Variants in ZNF804A observed in about 807,000 individuals in gnomAD.
ZNF804A encodes the protein zinc finger protein 804A.
A neutral mutation model predicts 16.5 loss-of-function variants in ZNF804A; 2 were observed. The ratio of observed to expected loss-of-function variants is 0.12; its 90% confidence interval spans 0.05 to 0.38. ZNF804A has a LOEUF of 0.38. Ranked by LOEUF, ZNF804A falls within the 10% of genes least tolerant of loss-of-function variation. The pLI, the probability that ZNF804A is intolerant of heterozygous loss-of-function variation, is 0.99. For synonymous variants in ZNF804A, 534 were observed against 489.6 expected (o/e 1.09, Z -1.20); for missense variants, 1,473 against 1,390.7 (o/e 1.06, Z -0.94).
intron 1 of ZNF804A, among the ~76,000 whole-genome samples, chr2:184,808,384 T>C (rs1401763378): frequency 6.6e-6 from 1 of 151,592 alleles, no homozygotes; most frequent in Non-Finnish European, 1.5e-5. Context: ...TTGGATTGAT[T>C]TGGGCTCAAG....
At chr2:184,858,699 G>A (rs1456813518) in intron 1 of ZNF804A, among the ~76,000 whole-genome samples, 1 of 151,772 alleles carries the variant, frequency 6.6e-6, no homozygotes, top group Admixed American at 6.6e-5. Flanking sequence ...TATATAAGTG[G>A]TCTATACACC....
In ZNF804A at chr2:184,843,144, T is replaced by G. The variant is rs182661239; in HGVS notation, c.112-23225T>G. 3.1e-3 allele frequency among the ~76,000 whole-genome samples: 470 copies of G among 152,304 alleles called. 9 individuals carry two copies. The highest frequency in any genetic ancestry group is 7.4e-4 in the Non-Finnish European group (50 of 68,024). ...TCACCTGAACTCTTTTCGTGGGAAC[T>G]TTCTTTGAGCACAAGAGATCACTCC... On this transcript the variant is annotated intron_variant, in intron 1 of 3. Coordinates refer to ENST00000302277, the MANE Select transcript of ZNF804A (RefSeq NM_194250.2).
At chr2:184,773,101 T>G (rs1212737899) in intron 1 of ZNF804A, among the ~76,000 whole-genome samples, 1 of 151,076 alleles carries the variant, frequency 6.6e-6, no homozygotes, top group Non-Finnish European at 1.5e-5. Context: ...TAAAATGTAT[T>G]GAGTTATACT....
At chr2:184,771,387 A>G (rs539898278) in intron 1 of ZNF804A, among the ~76,000 whole-genome samples, 12 of 151,916 alleles carry the variant, frequency 7.9e-5, no homozygotes, top group Non-Finnish European at 1.6e-4. Context: ...GTGTCCAGAC[A>G]GGTTTTGCTG....
At chr2:184,878,519 T>C (rs570944484) in intron 2 of ZNF804A, among the ~76,000 whole-genome samples, 17 of 152,168 alleles carry the variant, frequency 1.1e-4, no homozygotes, top group Admixed American at 7.2e-4. Flanking sequence ...AGCCATCTCC[T>C]GGACCTCGGC....
intron 3 of ZNF804A, among the ~76,000 whole-genome samples, chr2:184,934,525 A>G (rs1401882350): frequency 2.0e-5 from 3 of 152,122 alleles, no homozygotes; most frequent in African/African-American, 4.8e-5. Flanking sequence ...AATAAAATGT[A>G]TATGTATTTG....
chr2:184,697,353 G>C (rs972688190), intron 1 of ZNF804A, among the ~76,000 whole-genome samples: 2 of 151,906 alleles, frequency 1.3e-5, no homozygotes, highest in Non-Finnish European at 2.9e-5. Flanking sequence ...TTTGTTTCTG[G>C]GTCATAGAAT....
intron 1 of ZNF804A, among the ~76,000 whole-genome samples, chr2:184,746,755 C>G (rs1693795699): frequency 6.6e-6 from 1 of 151,338 alleles, no homozygotes; most frequent in Non-Finnish European, 1.5e-5. Context: ...TCCATGAGTT[C>G]CATTGTTTTC....
chr2:184,632,345 T>C (rs1260583638), intron 1 of ZNF804A, among the ~76,000 whole-genome samples: 1 of 152,214 alleles, frequency 6.6e-6, no homozygotes, highest in African/African-American at 2.4e-5. Context: ...ATGCGTACTT[T>C]GGCAAATTCC....
intron 2 of ZNF804A, among the ~76,000 whole-genome samples, chr2:184,890,647 C>T (rs1684966928): frequency 6.6e-6 from 1 of 151,840 alleles, no homozygotes; most frequent in South Asian, 2.1e-4. Flanking sequence ...CTCCAAGATA[C>T]TTCACTCTAT....
At chr2:184,774,909 T>C (rs1463341041) in intron 1 of ZNF804A, among the ~76,000 whole-genome samples, 1 of 151,632 alleles carries the variant, frequency 6.6e-6, no homozygotes, top group African/African-American at 2.4e-5. Context: ...AGGGAAGAGA[T>C]GGATCACTCT....
chr2:184,830,699 T>C (rs922512899), intron 1 of ZNF804A, among the ~76,000 whole-genome samples: 2 of 152,108 alleles, frequency 1.3e-5, no homozygotes, highest in African/African-American at 4.8e-5. Context: ...ACAAGTGAGA[T>C]ACCTTGCAGT....
chr2:184,782,838 A>C (rs1237537472), intron 1 of ZNF804A, among the ~76,000 whole-genome samples: 1 of 150,066 alleles, frequency 6.7e-6, no homozygotes, highest in African/African-American at 2.4e-5. Flanking sequence ...AATAAGCATA[A>C]AAAATTGATT....
intron 1 of ZNF804A, among the ~76,000 whole-genome samples, chr2:184,605,923 T>C (rs1307291404): frequency 1.3e-5 from 2 of 152,158 alleles, no homozygotes; most frequent in South Asian, 2.1e-4. Flanking sequence ...TCAATCATGG[T>C]TGTCAAAGTA....
intron 1 of ZNF804A, among the ~76,000 whole-genome samples, chr2:184,673,674 C>A (rs552930175): frequency 6.6e-6 from 1 of 152,260 alleles, no homozygotes; most frequent in Admixed American, 6.5e-5. Context: ...CTTTGTGTGT[C>A]TCTTCCTTCA....
At chr2:184,784,983 G>T (rs942860075) in intron 1 of ZNF804A, among the ~76,000 whole-genome samples, 2 of 151,862 alleles carry the variant, frequency 1.3e-5, no homozygotes, top group Non-Finnish European at 2.9e-5. Context: ...GATCCCCTTC[G>T]CCTTGGCTGT....
chr2:184,678,485 G>A (rs983304530), intron 1 of ZNF804A, among the ~76,000 whole-genome samples: 2 of 152,046 alleles, frequency 1.3e-5, no homozygotes, highest in Non-Finnish European at 2.9e-5. Flanking sequence ...TAGCAACTTT[G>A]CAATATTTAA....
chr2:184,816,082 T>C (rs1262399516), intron 1 of ZNF804A, among the ~76,000 whole-genome samples: 1 of 152,056 alleles, frequency 6.6e-6, no homozygotes, highest in African/African-American at 2.4e-5. Context: ...TCCATTTTCC[T>C]CACTGCTGAT....
intron 1 of ZNF804A, among the ~76,000 whole-genome samples, chr2:184,844,030 G>T (rs1695476531): frequency 6.6e-6 from 1 of 151,718 alleles, no homozygotes; most frequent in Non-Finnish European, 1.5e-5. Context: ...CTCTTTCAGG[G>T]CATCAATTAT....
Sources: allele counts gnomAD v4.1 joint callset (sites outside exome capture counted in the v4.1 genomes callset), GRCh38; gene constraint gnomAD v4.1.1; transcripts MANE v1.5; gene names NCBI Gene and HGNC (gene_info 2026-07-23, HGNC 2026-07-21).